The following SPATA13 variants were observed in gnomAD, a reference collection of about 807,000 sequenced individuals.
SPATA13 encodes spermatogenesis associated 13.
In SPATA13, 50 loss-of-function variants were observed where a neutral mutation model predicts 104.0. That is an observed-to-expected ratio of 0.48 (90% CI 0.38 to 0.61). The LOEUF (loss-of-function observed/expected upper bound fraction) is 0.61, where lower values mean the gene tolerates loss of function less well. Among genes scored for constraint, SPATA13 ranks in the 20% least tolerant of loss-of-function variants. The pLI is 0.00. For missense variants in SPATA13, 1,524 were observed against 1,690.6 expected, an observed-to-expected ratio of 0.90 and a Z score of 1.73; for synonymous variants, 606 against 667.5, an observed-to-expected ratio of 0.91 and a Z score of 1.42.
At chr13:24,248,491 T>C (rs1160515044) in intron 2 of SPATA13, among the ~76,000 whole-genome samples, 1 of 152,226 alleles carries the variant, frequency 6.6e-6, no homozygotes, top group Non-Finnish European at 1.5e-5. Context: ...TAGAAGGTGA[T>C]GCCTCATTTA....
chr13:24,011,097 C>T lies in SPATA13; in HGVS notation c.-146-6570C>T, dbSNP rs991519820. ...TCCTCTGCAACCTTGGCTTTGGTTT[C>T]TCCCCAGGTCCTGACCACCTGGCCG... On this transcript the variant is annotated intron_variant, in intron 2 of 14. Transcript: ENST00000424834. The surrounding 1 kb of genome is among the most constrained non-coding windows in gnomAD (Gnocchi z 4.3). Among the ~76,000 whole-genome samples the T allele has an allele frequency of 6.6e-6, 1 of 152,116 alleles. No individual in the cohort carries two copies. Among genetic ancestry groups the T allele is most frequent in the African/African-American group, 2.4e-5 (1 of 41,420 alleles).
chr13:24,050,185 GA>G (rs1261407863), intron 3 of SPATA13, among the ~76,000 whole-genome samples: 4 of 152,030 alleles, frequency 2.6e-5, no homozygotes, highest in Non-Finnish European at 4.4e-5. Flanking sequence ...GATTCTTTCT[GA>G]ACCATCTGGG....
chr13:24,250,298 A>AT (rs931613350), intron 3 of SPATA13, among the ~76,000 whole-genome samples: 33 of 150,000 alleles, frequency 2.2e-4, no homozygotes, highest in South Asian at 1.1e-3. Context: ...CCATTTTCTT[A>AT]TTTTTTTTTT....
chr13:24,121,431 C>G (rs1205293021), intron 3 of SPATA13, among the ~76,000 whole-genome samples: 1 of 152,126 alleles, frequency 6.6e-6, no homozygotes, highest in African/African-American at 2.4e-5. Context: ...CATAGGCTAG[C>G]AGGCTTGTTT....
At chr13:24,145,316 G>A (rs1881894130) in intron 3 of SPATA13, among the ~76,000 whole-genome samples, 2 of 152,238 alleles carry the variant, frequency 1.3e-5, no homozygotes, top group South Asian at 4.1e-4. Flanking sequence ...AATTAGGGCT[G>A]TTACTAACAG....
chr13:23,993,040 G>A (rs903355904), intron 2 of SPATA13, among the ~76,000 whole-genome samples: 1 of 152,312 alleles, frequency 6.6e-6, no homozygotes, highest in Middle Eastern at 3.4e-3. Context: ...GCCTGGGCTC[G>A]GTCCAGGCTG....
At chr13:24,042,489 C>T (rs981607684) in intron 3 of SPATA13, among the ~76,000 whole-genome samples, 4 of 152,208 alleles carry the variant, frequency 2.6e-5, no homozygotes, top group Non-Finnish European at 2.9e-5. Flanking sequence ...CCGATCCTCA[C>T]GAGTCACTGA....
chr13:24,242,897 A>G (rs1392903841), intron 2 of SPATA13, among the ~76,000 whole-genome samples: 2 of 152,196 alleles, frequency 1.3e-5, no homozygotes, highest in Non-Finnish European at 2.9e-5. Context: ...AGGCCTATGC[A>G]GGGTATTTTT....
intron 2 of SPATA13, among the ~76,000 whole-genome samples, chr13:24,240,543 G>C (rs546870645): frequency 6.6e-6 from 1 of 152,244 alleles, no homozygotes; most frequent in South Asian, 2.1e-4. Context: ...GATGGAGTTT[G>C]TCACCGTCAT....
intron 2 of SPATA13, chr13:24,017,543 T>C (rs149338283): frequency 1.3e-3 from 276 of 220,456 alleles, no homozygotes; most frequent in Non-Finnish European, 1.9e-3. Context: ...CATATGTATA[T>C]ATACATTTTT....
intron 4 of SPATA13, among the ~76,000 whole-genome samples, chr13:24,261,577 A>G (rs1207897666): frequency 2.0e-5 from 3 of 152,200 alleles, no homozygotes; most frequent in Non-Finnish European, 4.4e-5. Flanking sequence ...TCTGAGGACC[A>G]ACATTTGGGG....
chr13:24,100,288 C>T (rs972116996), intron 3 of SPATA13, among the ~76,000 whole-genome samples: 2 of 152,236 alleles, frequency 1.3e-5, no homozygotes, highest in Admixed American at 6.5e-5. Flanking sequence ...TGAAGACGCT[C>T]ATACTCTGCT....
At chr13:24,269,385 TATGTGTGTATGTATG>T (rs1356509369) in intron 4 of SPATA13, among the ~76,000 whole-genome samples, 1 of 151,846 alleles carries the variant, frequency 6.6e-6, no homozygotes, top group Non-Finnish European at 1.5e-5. Flanking sequence ...TGTATGTATG[TATGTGTGTATGTATG>T]TATGTATCTA....
At position 24,078,010 on chromosome 13, in the gene SPATA13, C is replaced by A. The variant is rs1430538872; in HGVS notation, c.-112+60309C>A. ...CCTGCGATTGTCAGCTTCTTGCTCA[C>A]CCCACACTAACTTTGCAAACCGGTC... On this transcript the variant is annotated intron_variant, in intron 3 of 14. Coordinates refer to the SPATA13 transcript ENST00000424834. Among the ~76,000 whole-genome samples the A allele has an allele frequency of 4.6e-5, 7 of 152,120 alleles. No individual in the cohort carries two copies. The East Asian group carries it at 9.7e-4, about 21-fold the overall frequency.
At chr13:24,273,310 C>A (rs1220238057) in intron 4 of SPATA13, among the ~76,000 whole-genome samples, 1 of 151,900 alleles carries the variant, frequency 6.6e-6, no homozygotes, top group Non-Finnish European at 1.5e-5. Flanking sequence ...GGTGCAGGGC[C>A]CTAAGTTGAA....
chr13:24,158,558 AT>A (rs1882331330), upstream of SPATA13, among the ~76,000 whole-genome samples: 1 of 152,138 alleles, frequency 6.6e-6, no homozygotes, highest in Non-Finnish European at 1.5e-5. Context: ...AGATCAGTGA[AT>A]TTTCTCTTGA....
At position 24,305,451 on chromosome 13, in the gene SPATA13, A is replaced by C. The variant is rs1417762872; in HGVS notation, c.*2678A>C. 6.6e-6 allele frequency: 1 copy of C among 152,224 alleles called. No individual in the cohort carries two copies. The highest frequency in any genetic ancestry group is 1.5e-5 in the Non-Finnish European group (1 of 68,048). 9.4% of individuals were successfully genotyped at this position (152,224 alleles called of 1,614,324 possible). ...GGCTAGAACATCCTTTGACTTCTTG[A>C]AAATCTGCATGTCTGGCTTGGGTTT... On this transcript the variant is annotated 3_prime_UTR_variant, in exon 13 of 13. Transcript: ENST00000382108.
In SPATA13 at chr13:24,304,510, T is replaced by C. The variant is rs1408359600; in HGVS notation, c.*1737T>C. 2.0e-5 allele frequency: 3 copies of C among 152,144 alleles called. No individual in the cohort carries two copies. Among genetic ancestry groups the C allele is most frequent in the Non-Finnish European group, 4.4e-5 (3 of 68,016 alleles). The allele number at this position is 152,144 out of a possible 1,614,324, so 9.4% of individuals were successfully genotyped here. On this transcript the variant is annotated 3_prime_UTR_variant, in exon 13 of 13. Transcript: ENST00000382108. ...TTTGAGAATAAACAAGTCTGTGATG[T>C]CAGAGACAAAGGTGTATTCTTCAGT...
intron 3 of SPATA13, among the ~76,000 whole-genome samples, chr13:24,118,840 T>C (rs1880937699): frequency 6.6e-6 from 1 of 152,186 alleles, no homozygotes; most frequent in South Asian, 2.1e-4. Context: ...ACACGCTGGT[T>C]CCCGTGTTCA....
Sources: gnomAD v4.1 joint callset for allele counts (sites outside exome capture counted in the v4.1 genomes callset) on GRCh38, gnomAD v4.1.1 for gene constraint, Gnocchi (gnomAD v3.1) non-coding constraint, MANE v1.5 for transcripts, NCBI Gene and HGNC (gene_info 2026-07-23, HGNC 2026-07-21) for gene names.